Variants in SLC2A8 observed in about 807,000 individuals in gnomAD.
The protein encoded by SLC2A8 is solute carrier family 2, facilitated glucose transporter member 8.
In SLC2A8, 53 loss-of-function variants were observed where a neutral mutation model predicts 49.2. That is an observed-to-expected ratio of 1.08 (90% CI 0.86 to 1.35). The LOEUF (loss-of-function observed/expected upper bound fraction) is 1.35. Among genes scored for constraint, SLC2A8 ranks in the 40% most tolerant of loss-of-function variants. SLC2A8 has a pLI of 0.00. For missense variants in SLC2A8, 688 were observed against 671.7 expected, an observed-to-expected ratio of 1.02 and a Z score of -0.27; for synonymous variants, 299 against 297.0, an observed-to-expected ratio of 1.01 and a Z score of -0.07.
chr9:127,406,255 A>G (rs1288637732), intron 9 of SLC2A8, among the ~76,000 whole-genome samples: 1 of 152,236 alleles, frequency 6.6e-6, no homozygotes, highest in African/African-American at 2.4e-5. Context: ...GGGAAAGGCC[A>G]TGGCAGTGGT....
At position 127,399,976 on chromosome 9, in the gene SLC2A8, G is replaced by A. The variant is rs370031428; in HGVS notation, c.496G>A (p.Val166Ile). Reference sequence around the variant, plus strand: ...CGGCTCCTGTGTGCAGCTAATGGTCGTCGTCGGCATCCTCCTGGCCTACCT... The same window carrying A: ...CGGCTCCTGTGTGCAGCTAATGGTCATCGTCGGCATCCTCCTGGCCTACCT... ...LLGSCVQLMV[V>I]VGILLAYLAG... is the part of the protein sequence containing the mutation. The change falls in exon 4 of 10, where the codon GTC becomes ATC. Residue 166 changes from valine (V) to isoleucine (I), a missense_variant. Physicochemically the swap from Val to Ile is conservative, Grantham distance 29. Coordinates refer to ENST00000373371, the MANE Select transcript of SLC2A8 (RefSeq NM_014580.5). The surrounding 1 kb of genome is among the most constrained non-coding windows in gnomAD (Gnocchi z 4.2). 13 of 1,613,526 alleles carry A rather than the reference G, an allele frequency of 8.1e-6. No homozygotes were observed. Among genetic ancestry groups the A allele is most frequent in the South Asian group, 1.1e-5 (1 of 91,070 alleles).
Position 127,407,311 on chromosome 9 carries a change from C to A in SLC2A8, c.*62C>A. On this transcript the variant is annotated 3_prime_UTR_variant, in exon 10 of 10. Coordinates refer to ENST00000373371, the MANE Select transcript of SLC2A8 (RefSeq NM_014580.5). ...CCAAGCTGGGCCCAAGCCCAGAGCC[C>A]CTGCCTGCCCCAGGGGAGCCAGAAT... 1.3e-6 allele frequency: 2 copies of A among 1,599,392 alleles called. No individual in the cohort carries two copies. The highest frequency in any genetic ancestry group is 1.7e-6 in the Non-Finnish European group (2 of 1,169,122).
At chr9:127,406,129 G>A in intron 9 of SLC2A8, 1 of 507,894 alleles carries the variant, frequency 2.0e-6, no homozygotes, top group South Asian at 1.4e-5. Context: ...TGATCTGGTT[G>A]TTTGTTCAGT....
chr9:127,400,779 G>T (rs1380029155), intron 4 of SLC2A8, among the ~76,000 whole-genome samples: 1 of 152,140 alleles, frequency 6.6e-6, no homozygotes, highest in Non-Finnish European at 1.5e-5. Context: ...CAGGAGACAG[G>T]TGTGTTCTCA....
chr9:127,403,956 C>T lies in SLC2A8; in HGVS notation c.868-3C>T. ...TGACCTGCCTGGGCTCTGTCTCCCC[C>T]AGGACAGCAGCCTGGCCTCGGTCGT... On this transcript the variant is annotated splice_region_variant and splice_polypyrimidine_tract_variant and intron_variant, in intron 6 of 9. Coordinates refer to ENST00000373371, the MANE Select transcript of SLC2A8 (RefSeq NM_014580.5). The T allele has an allele frequency of 5.0e-6, 8 of 1,610,976 alleles. No individual in the cohort carries two copies. The highest frequency in any genetic ancestry group is 6.8e-6 in the Non-Finnish European group (8 of 1,178,446).
chr9:127,405,269 G>T, intron 8 of SLC2A8, 151 bp from the exon 9 acceptor site: 1 of 949,718 alleles, frequency 1.1e-6, no homozygotes, highest in Non-Finnish European at 1.5e-6. Context: ...CCGAGGCCTT[G>T]GCAGGAAAGC....
In SLC2A8 at chr9:127,405,455, C is replaced by G. The variant is rs1564220109; in HGVS notation, c.1186C>G (p.Leu396Val). 6 of 1,613,020 alleles carry G rather than the reference C, an allele frequency of 3.7e-6. No individual in the cohort carries two copies. Among genetic ancestry groups the G allele is most frequent in the Non-Finnish European group, 5.1e-6 (6 of 1,180,004 alleles). ...AVGWGPIPWL[L>V]MSEIFPLHVK... ...GGGCTGGGGGCCCATCCCCTGGCTC[C>G]TCATGTCAGAGATCTTCCCTCTGCA... is the stretch of plus-strand genomic sequence containing the variant. Residue 396 changes from leucine (L) to valine (V), a missense_variant, in exon 9 of 10, where the codon CTC (leucine) becomes GTC (valine). Physicochemically the swap from Leu to Val is conservative, Grantham distance 32. Coordinates refer to ENST00000373371, the MANE Select transcript of SLC2A8 (RefSeq NM_014580.5).
rs1305717218 is a variant in SLC2A8 at position 127,405,472 on chromosome 9, C to T, written c.1203C>T (p.Phe401=). The change falls in exon 9 of 10, where the codon TTC becomes TTT. Residue 401 remains phenylalanine, a synonymous_variant. Coordinates refer to ENST00000373371, the MANE Select transcript of SLC2A8 (RefSeq NM_014580.5). ...CCTGGCTCCTCATGTCAGAGATCTT[C>T]CCTCTGCATGTCAAGGGCGTGGCGA... The part of the protein sequence containing the change: ...PIPWLLMSEI[F]PLHVKGVATG... 6.2e-7 allele frequency: 1 copy of T among 1,613,134 alleles called. No individual in the cohort carries two copies. The highest frequency in any genetic ancestry group is 8.5e-7 in the Non-Finnish European group (1 of 1,179,998).
Position 127,404,816 on chromosome 9 carries a change from A to T in SLC2A8, c.977-2A>T, listed in dbSNP as rs1210928197. 1 of 1,606,736 alleles carries T rather than the reference A, an allele frequency of 6.2e-7. No individual in the cohort carries two copies. Among genetic ancestry groups the T allele is most frequent in the South Asian group, 1.1e-5 (1 of 90,934 alleles). ...CGCCCACTGCCGCCCTCCCGCCTGCAGGTGTGGTCATGGTGTTCAGCACGA... is the reference window on the plus strand; with the variant it reads ...CGCCCACTGCCGCCCTCCCGCCTGCTGGTGTGGTCATGGTGTTCAGCACGA... On this transcript the variant is annotated splice_acceptor_variant, in intron 7 of 9. Transcript: ENST00000373371. LOFTEE classifies it high-confidence loss of function.
Position 127,407,412 on chromosome 9 carries a change from G to C in SLC2A8, c.*163G>C, listed in dbSNP as rs761926064. ...CCTCCAGCCCATGACCCGGGGCTAG[G>C]AGGCTCACTGCCTCCTGTTCCAGCT... On this transcript the variant is annotated 3_prime_UTR_variant, in exon 10 of 10. Coordinates refer to ENST00000373371, the MANE Select transcript of SLC2A8 (RefSeq NM_014580.5). 1 of 861,840 alleles carries C rather than the reference G, an allele frequency of 1.2e-6. No homozygotes were observed. The highest frequency in any genetic ancestry group is 1.4e-5 in the South Asian group (1 of 71,914). The allele number at this position is 861,840 out of a possible 1,614,324, so 53.4% of individuals were successfully genotyped here.
At chr9:127,400,079 C>T in intron 4 of SLC2A8, 73 bp downstream of exon 4, 1 of 1,338,626 alleles carries the variant, frequency 7.5e-7, no homozygotes, top group Non-Finnish European at 1.1e-6. Context: ...AACAGAGGTT[C>T]AGTGAGGTCA....
chr9:127,402,511 G>C, intron 4 of SLC2A8, 46 bp from the exon 5 acceptor site: 41 of 1,459,460 alleles, frequency 2.8e-5, no homozygotes, highest in Non-Finnish European at 3.4e-5. Flanking sequence ...GCCCAGGCTG[G>C]CTCACCCTGG....
chr9:127,404,466 G>T (rs1364871372), intron 7 of SLC2A8: 3 of 356,968 alleles, frequency 8.4e-6, no homozygotes, highest in Admixed American at 8.9e-5. Flanking sequence ...TGAGGAGTGG[G>T]AGGTGATCCA....
Position 127,402,687 on chromosome 9 carries a change from G to T in SLC2A8, c.657G>T (p.Met219Ile). The T allele has an allele frequency of 1.3e-6, 2 of 1,570,354 alleles. No individual in the cohort carries two copies. Among genetic ancestry groups the T allele is most frequent in the East Asian group, 2.3e-5 (1 of 43,022 alleles). Residue 219 changes from methionine to isoleucine, a missense_variant, in exon 5 of 10, where the codon ATG (methionine) becomes ATT (isoleucine). Transcript: ENST00000373371. ...CTCAGCACAGGCGCCAGGAGGCCAT[G>T]GCCGCCCTGCGGTTCCTGTGGGGCT... ...LLTQHRRQEA[M>I]AALRFLWGSE...
intron 4 of SLC2A8, 76 bp downstream of exon 4, chr9:127,400,082 T>A: frequency 7.5e-7 from 1 of 1,328,590 alleles, no homozygotes; most frequent in Non-Finnish European, 1.1e-6. Context: ...AGAGGTTCAG[T>A]GAGGTCAAGG....
At chr9:127,404,259 A>C in intron 7 of SLC2A8, 192 bp downstream of exon 7, 1 of 549,470 alleles carries the variant, frequency 1.8e-6, no homozygotes, top group Non-Finnish European at 3.2e-6. Context: ...CTCCCACACC[A>C]CGCCTTTAAC....
chr9:127,404,736 CT>C, intron 7 of SLC2A8, 81 bp from the exon 8 acceptor site: 4 of 1,467,210 alleles, frequency 2.7e-6, no homozygotes, highest in Non-Finnish European at 3.7e-6. Flanking sequence ...GGGCCTGCCC[CT>C]CTCAGAGGCA....
At chr9:127,405,125 C>A in intron 8 of SLC2A8, 134 bp downstream of exon 8, 1 of 1,023,230 alleles carries the variant, frequency 9.8e-7, no homozygotes, top group Non-Finnish European at 1.4e-6. Context: ...GCATTTCTAG[C>A]TCTGACCACA....
intron 4 of SLC2A8, among the ~76,000 whole-genome samples, 155 bp downstream of exon 4, chr9:127,400,161 T>C (rs1340874102): frequency 6.9e-6 from 1 of 145,590 alleles, no homozygotes; most frequent in Admixed American, 6.8e-5. Context: ...TTGGGATAGG[T>C]GAGTCTTTTT....
Sources: allele counts gnomAD v4.1 joint callset (sites outside exome capture counted in the v4.1 genomes callset), GRCh38; gene constraint gnomAD v4.1.1; non-coding constraint Gnocchi (gnomAD v3.1); transcripts MANE v1.5; gene names NCBI Gene and HGNC (gene_info 2026-07-23, HGNC 2026-07-21).